MAP3K15: variants seen among roughly 807,000 people sequenced by gnomAD.
MAP3K15 encodes mitogen-activated protein kinase kinase kinase 15.
Under a neutral mutation model 99.5 loss-of-function variants are expected in MAP3K15, and 124 were observed. The ratio of observed to expected loss-of-function variants is 1.25; its 90% CI spans 1.08 to 1.45. MAP3K15 has a LOEUF of 1.45. Among genes scored for constraint, MAP3K15 ranks in the 40% most tolerant of loss-of-function variants. The pLI is 0.00. For missense variants in MAP3K15, 1,242 were observed against 1,079.7 expected, an observed-to-expected ratio of 1.15 and a Z score of -2.11; for synonymous variants, 494 against 439.6, an observed-to-expected ratio of 1.12 and a Z score of -1.55.
chrX:19,469,546 A>G (rs1450212491), intron 3 of MAP3K15, among the ~76,000 whole-genome samples: 1 of 110,872 alleles, frequency 9.0e-6, no homozygotes, highest in Non-Finnish European at 1.9e-5. Context: ...CAAAATTGAC[A>G]AATGGGATCT....
At chrX:19,382,166 T>G (rs1434269732) in intron 18 of MAP3K15, among the ~76,000 whole-genome samples, 1 of 97,610 alleles carries the variant, frequency 1.0e-5, no homozygotes, top group African/African-American at 4.1e-5. Flanking sequence ...GGCAGGAGAA[T>G]CCCTTGAACC....
chrX:19,362,875 G>T, intron 25 of MAP3K15, 25 bp from the exon 26 acceptor site: 1 of 646,979 alleles, frequency 1.5e-6, no homozygotes, highest in Non-Finnish European at 2.3e-6. Context: ...AAAAAAAAAA[G>T]CCATTATCCA....
chrX:19,382,043 G>A (rs1282268017), intron 18 of MAP3K15, among the ~76,000 whole-genome samples: 1 of 111,025 alleles, frequency 9.0e-6, no homozygotes, highest in Non-Finnish European at 1.9e-5. Context: ...TCAGAAGTTC[G>A]AGACCAGCCT....
chrX:19,396,027 T>A (rs1485184531), intron 15 of MAP3K15, among the ~76,000 whole-genome samples: 2 of 111,796 alleles, frequency 1.8e-5, no homozygotes, highest in Non-Finnish European at 3.8e-5. Context: ...GTTGATCTAT[T>A]TTTTCAAACT....
At chrX:19,494,983 G>A (rs926044264) in intron 1 of MAP3K15, among the ~76,000 whole-genome samples, 1 of 110,241 alleles carries the variant, frequency 9.1e-6, no homozygotes, top group Admixed American at 9.7e-5. Flanking sequence ...AACATACTCA[G>A]GTCAAGTCAG....
chrX:19,403,151 AG>A (rs1159350083), intron 13 of MAP3K15, among the ~76,000 whole-genome samples: 2 of 111,592 alleles, frequency 1.8e-5, no homozygotes, highest in Non-Finnish European at 3.8e-5. Flanking sequence ...TCTGGGAGGC[AG>A]GTACAAGAAT....
At position 19,373,603 on chromosome X, in the gene MAP3K15, C is replaced by T. The variant is rs185527494; in HGVS notation, c.2866G>A (p.Asp956Asn). The change falls in exon 21 of 29, where the codon GAC becomes AAC. Residue 956 changes from aspartate (D) to asparagine (N), a missense_variant. By Grantham distance (23) the Asp-to-Asn change is conservative (BLOSUM62 1). Transcript: ENST00000338883. The part of the protein sequence containing the change: ...SEHGSVSPDS[D>N]AQPDALFERT... ...TCAAAGAGTGCGTCAGGCTGGGCGT[C>T]GGAGTCTGGGGAGACAGAGCCGTGC... 6 of 1,186,842 alleles carry T rather than the reference C, an allele frequency of 5.1e-6. No homozygotes were observed. The highest frequency in any genetic ancestry group is 5.7e-6 in the Non-Finnish European group (5 of 884,582).
chrX:19,385,008 C>A (rs1044298719), intron 18 of MAP3K15, among the ~76,000 whole-genome samples: 1 of 111,487 alleles, frequency 9.0e-6, no homozygotes, highest in Non-Finnish European at 1.9e-5. Flanking sequence ...GTGAACAGCA[C>A]TCTTTCTAAA....
chrX:19,431,401 G>A (rs375955047), intron 7 of MAP3K15, 37 bp downstream of exon 7: 2 of 1,173,729 alleles, frequency 1.7e-6, no homozygotes, highest in African/African-American at 1.8e-5. Context: ...GTTCCTTGAA[G>A]AGATGCAAGT....
At position 19,374,497 on chromosome X, in the gene MAP3K15, C is replaced by G. The variant is rs143201437; in HGVS notation, c.2753G>C (p.Arg918Pro). ...CTCACCTGAGGGCTTGAAGGCAATTCGGTTCTTCTTGCCCTTGTTCACCTG... is the reference window on the plus strand; with the variant it reads ...CTCACCTGAGGGCTTGAAGGCAATTGGGTTCTTCTTGCCCTTGTTCACCTG... ...LRQVNKGKKN[R>P]IAFKPSEGPR... The change falls in exon 20 of 29, where the codon CGA becomes CCA. Residue 918 changes from arginine (R) to proline (P), a missense_variant. Physicochemically the swap from Arg to Pro is moderately radical, Grantham distance 103. Transcript: ENST00000338883. The G allele has an allele frequency of 1.7e-6, 2 of 1,210,925 alleles. No individual in the cohort carries two copies. The highest frequency in any genetic ancestry group is 2.2e-6 in the Non-Finnish European group (2 of 895,108).
intron 18 of MAP3K15, among the ~76,000 whole-genome samples, chrX:19,390,481 CTATATAA>C (rs1269369267): frequency 5.9e-5 from 6 of 100,995 alleles, no homozygotes; most frequent in Non-Finnish European, 1.2e-4. Context: ...CTAATAATTA[CTATATAA>C]TATATGTTAT....
chrX:19,449,966 T>A (rs2064026152), intron 6 of MAP3K15, among the ~76,000 whole-genome samples: 1 of 109,332 alleles, frequency 9.1e-6, no homozygotes, highest in African/African-American at 3.3e-5. Context: ...GTGATCAAGC[T>A]ACACAGTAAT....
chrX:19,377,832 G>T (rs191678039), intron 19 of MAP3K15, among the ~76,000 whole-genome samples: 1 of 112,401 alleles, frequency 8.9e-6, no homozygotes, highest in African/African-American at 3.2e-5. Flanking sequence ...TGCTGAGGAC[G>T]GTCATTGCTG....
intron 2 of MAP3K15, 143 bp from the exon 3 acceptor site, chrX:19,486,648 A>G (rs41309579): frequency 0.066 from 17,995 of 270,987 alleles, 581 homozygotes; most frequent in Non-Finnish European, 0.092. Flanking sequence ...GCAAGAATTA[A>G]TCATGTGAAA....
chrX:19,390,303 C>CTTTTTTTTTTT (rs869140702), intron 18 of MAP3K15, among the ~76,000 whole-genome samples: 3 of 69,394 alleles, frequency 4.3e-5, no homozygotes, highest in Non-Finnish European at 7.6e-5. Context: ...CTAATTTTTT[C>CTTTTTTTTTTT]TTTTTTTTTT....
intron 1 of MAP3K15, among the ~76,000 whole-genome samples, chrX:19,506,289 C>T (rs1051537457): frequency 9.0e-6 from 1 of 110,823 alleles, no homozygotes; most frequent in African/African-American, 3.3e-5. Context: ...AGGCTGCTCT[C>T]GAACTCCTGA....
chrX:19,450,557 C>T (rs758646668), intron 6 of MAP3K15, among the ~76,000 whole-genome samples: 5 of 109,559 alleles, frequency 4.6e-5, no homozygotes, highest in Non-Finnish European at 7.7e-5. Flanking sequence ...GAAATATACA[C>T]GTGTAATTTT....
chrX:19,410,766 C>T (rs1283409123), intron 11 of MAP3K15, among the ~76,000 whole-genome samples: 1 of 112,171 alleles, frequency 8.9e-6, no homozygotes, highest in African/African-American at 3.2e-5. Flanking sequence ...CCCCTCCCTT[C>T]ACTACCACTA....
chrX:19,441,603 C>T lies in MAP3K15; in HGVS notation c.996-9995G>A, dbSNP rs1220793047. Among the ~76,000 whole-genome samples the T allele has an allele frequency of 4.5e-5, 5 of 110,954 alleles. No homozygotes were observed. The South Asian group carries it at 1.9e-3, about 42-fold the overall frequency. On this transcript the variant is annotated intron_variant, in intron 6 of 28. Coordinates refer to ENST00000338883, the MANE Select transcript of MAP3K15 (RefSeq NM_001001671.4). ...CCGAGTAGCTGGGAATATAGGCATGCACCATAATGCCTGGTTAATTTTTTT... is the reference window on the plus strand; with the variant it reads ...CCGAGTAGCTGGGAATATAGGCATGTACCATAATGCCTGGTTAATTTTTTT...
Sources: gnomAD v4.1 joint callset for allele counts (sites outside exome capture counted in the v4.1 genomes callset) on GRCh38, gnomAD v4.1.1 for gene constraint, MANE v1.5 for transcripts, NCBI Gene and HGNC (gene_info 2026-07-23, HGNC 2026-07-21) for gene names.